Variants in ENPP1 observed in about 807,000 individuals in gnomAD.
ENPP1 encodes ectonucleotide pyrophosphatase/phosphodiesterase family member 1.
A neutral mutation model predicts 122.8 loss-of-function variants in ENPP1; 73 were observed. That is an observed-to-expected ratio of 0.59 (90% CI 0.49 to 0.72). ENPP1 has a LOEUF of 0.72. Among genes scored for constraint, ENPP1 ranks in the 30% least tolerant of loss-of-function variants. The probability of loss-of-function intolerance (pLI) is 0.00; values close to 1 mark genes in which losing one functional copy is unlikely to be tolerated. For missense variants in ENPP1, 978 were observed against 1,128.1 expected (o/e 0.87, Z 1.91); for synonymous variants, 367 against 391.6 (o/e 0.94, Z 0.74).
At chr6:131,821,869 T>C (rs1320288755) in intron 1 of ENPP1, among the ~76,000 whole-genome samples, 2 of 152,230 alleles carry the variant, frequency 1.3e-5, no homozygotes, top group Non-Finnish European at 2.9e-5. Flanking sequence ...CAACGCTTTT[T>C]CAGGTGATGT....
At position 131,808,273 on chromosome 6, in the gene ENPP1, C is replaced by T; in HGVS notation, c.238C>T (p.Leu80=). The stretch of plus-strand genomic sequence containing the variant: ...CCCCAACACCTATAAAGTACTCTCG[C>T]TGGTAGGTCCGCGGCCAGGCCCCGG... ...KDPNTYKVLS[L]VLSVCVLTTI... is the part of the protein sequence containing the mutation. Residue 80 remains leucine, a splice_region_variant and synonymous_variant, in exon 1 of 25, where the codon CTG becomes TTG. Coordinates refer to ENST00000647893, the MANE Select transcript of ENPP1 (RefSeq NM_006208.3). 1 of 1,501,658 alleles carries T rather than the reference C, an allele frequency of 6.7e-7. No individual in the cohort carries two copies. The highest frequency in any genetic ancestry group is 8.9e-7 in the Non-Finnish European group (1 of 1,122,906). 93.0% of individuals were successfully genotyped at this position (1,501,658 alleles called of 1,614,324 possible).
At chr6:131,835,591 G>T (rs1781664115) in intron 1 of ENPP1, among the ~76,000 whole-genome samples, 1 of 151,726 alleles carries the variant, frequency 6.6e-6, no homozygotes, top group South Asian at 2.1e-4. Flanking sequence ...TAAATTCAGT[G>T]GTACATGTGC....
Position 131,864,578 on chromosome 6 carries a change from A to G in ENPP1, c.1091+7A>G. On this transcript the variant is annotated splice_region_variant and intron_variant, in intron 10 of 24. Coordinates refer to ENST00000647893, the MANE Select transcript of ENPP1 (RefSeq NM_006208.3). ...AGCTTCCTAAAGATGAAAGGTCTGT[A>G]GGCAATTAATTTCTATTGTAAATAC... 2 of 1,583,254 alleles carry G rather than the reference A, an allele frequency of 1.3e-6. No homozygotes were observed. The highest frequency in any genetic ancestry group is 1.7e-6 in the Non-Finnish European group (2 of 1,152,642).
At position 131,847,783 on chromosome 6, in the gene ENPP1, C is replaced by T; in HGVS notation, c.248C>T (p.Ser83Leu). 6.2e-7 allele frequency: 1 copy of T among 1,606,268 alleles called. No individual in the cohort carries two copies. Among genetic ancestry groups the T allele is most frequent in the Non-Finnish European group, 8.5e-7 (1 of 1,174,548 alleles). The change falls in exon 2 of 25, where the codon TCA becomes TTA. Residue 83 changes from serine to leucine, a missense_variant. By Grantham distance (145) the Ser-to-Leu change is moderately radical. This residue lies in a region of ENPP1 where 330 missense variants were observed against 328.5 expected (regional missense o/e 1.00). Coordinates refer to ENST00000647893, the MANE Select transcript of ENPP1 (RefSeq NM_006208.3). ...NTYKVLSLVL[S>L]VCVLTTILGC... ...TCTCTTTTCTCCCTACAGGTATTGTCAGTATGTGTGTTAACAACAATACTT... is the reference window on the plus strand; with the variant it reads ...TCTCTTTTCTCCCTACAGGTATTGTTAGTATGTGTGTTAACAACAATACTT...
intron 1 of ENPP1, among the ~76,000 whole-genome samples, chr6:131,837,983 T>C (rs1318643378): frequency 2.6e-5 from 4 of 152,206 alleles, no homozygotes; most frequent in African/African-American, 9.6e-5. Flanking sequence ...CTATTATCTA[T>C]CTTGCCTTAT....
intron 1 of ENPP1, among the ~76,000 whole-genome samples, chr6:131,809,494 A>G (rs760346770): frequency 5.9e-5 from 9 of 152,226 alleles, no homozygotes; most frequent in Non-Finnish European, 1.2e-4. Flanking sequence ...TTGCATCTCA[A>G]GATAAAATTT....
chr6:131,887,618 G>T lies in ENPP1; in HGVS notation c.2607+894G>T, dbSNP rs1345308202. ...TTGGCTTCCAGGCTGGAGTGCAGTG[G>T]CATGATCTCGGCTCACTGCAAGCTC... On this transcript the variant is annotated intron_variant, in intron 24 of 24. Transcript: ENST00000647893. Among the ~76,000 whole-genome samples, 8 of 145,846 alleles carry T rather than the reference G, an allele frequency of 5.5e-5. 1 individual carries two copies. Among genetic ancestry groups the T allele is most frequent in the African/African-American group, 2.1e-4 (8 of 38,224 alleles).
chr6:131,808,298 G>T (rs1445062443), intron 1 of ENPP1, 23 bp downstream of exon 1: 1 of 1,486,012 alleles, frequency 6.7e-7, no homozygotes, highest in Non-Finnish European at 9.0e-7. Flanking sequence ...CCAGGCCCCG[G>T]CGCCCGGGAG....
At chr6:131,879,124 A>G (rs145932158) in intron 19 of ENPP1, among the ~76,000 whole-genome samples, 5 of 152,164 alleles carry the variant, frequency 3.3e-5, no homozygotes, top group Admixed American at 6.5e-5. Flanking sequence ...TTTTTTTTCT[A>G]CTAGAATAAA....
chr6:131,836,117 C>CCT (rs548159233), intron 1 of ENPP1, among the ~76,000 whole-genome samples: 1 of 143,732 alleles, frequency 7.0e-6, no homozygotes, highest in Admixed American at 6.9e-5. Flanking sequence ...GTGTGGTTTT[C>CCT]TTTTTTTTTT....
chr6:131,830,504 C>A (rs71572984), intron 1 of ENPP1, among the ~76,000 whole-genome samples: 1 of 151,972 alleles, frequency 6.6e-6, no homozygotes, highest in Non-Finnish European at 1.5e-5. Flanking sequence ...CCATCACAGG[C>A]AGGGAAAGGA....
At chr6:131,835,395 T>G (rs946804278) in intron 1 of ENPP1, among the ~76,000 whole-genome samples, 2 of 152,228 alleles carry the variant, frequency 1.3e-5, no homozygotes, top group South Asian at 4.1e-4. Flanking sequence ...AGAGGAATGA[T>G]GTAATGATTA....
At chr6:131,870,439 T>C (rs1782146972) in intron 13 of ENPP1, among the ~76,000 whole-genome samples, 2 of 152,238 alleles carry the variant, frequency 1.3e-5, no homozygotes, top group African/African-American at 4.8e-5. Context: ...TACCTCCCTC[T>C]CTTTTTGATT....
intron 1 of ENPP1, among the ~76,000 whole-genome samples, chr6:131,821,925 T>G (rs1323256689): frequency 6.6e-6 from 1 of 152,202 alleles, no homozygotes; most frequent in Non-Finnish European, 1.5e-5. Flanking sequence ...TCCATAATAC[T>G]TCATCATCCA....
chr6:131,864,252 G>T (rs756379254), intron 9 of ENPP1, among the ~76,000 whole-genome samples: 1 of 152,124 alleles, frequency 6.6e-6, no homozygotes, highest in South Asian at 2.1e-4. Flanking sequence ...CTGTTTTCAG[G>T]TCCATGAATA....
chr6:131,872,015 T>C, intron 13 of ENPP1, 55 bp from the exon 14 acceptor site: 2 of 1,248,248 alleles, frequency 1.6e-6, no homozygotes, highest in Non-Finnish European at 2.3e-6. Context: ...TTTTGTATTA[T>C]GTTTTAATTA....
At chr6:131,827,573 A>T (rs559129164) in intron 1 of ENPP1, 1 of 595,976 alleles carries the variant, frequency 1.7e-6, no homozygotes, top group African/African-American at 1.8e-5. Context: ...TTAAAGAGTG[A>T]TGTAGGTTAA....
intron 1 of ENPP1, among the ~76,000 whole-genome samples, chr6:131,810,217 G>A (rs749338722): frequency 1.1e-4 from 16 of 152,134 alleles, no homozygotes; most frequent in Non-Finnish European, 1.6e-4. Context: ...AATTAGCTGG[G>A]TATGGTAGCA....
chr6:131,864,792 T>C (rs1421570989), intron 10 of ENPP1, 74 bp from the exon 11 acceptor site: 3 of 1,005,250 alleles, frequency 3.0e-6, no homozygotes, highest in South Asian at 1.3e-5. Context: ...TCCCTATCAA[T>C]TGATGAATTA....
Sources: allele counts gnomAD v4.1 joint callset (sites outside exome capture counted in the v4.1 genomes callset), GRCh38; gene constraint gnomAD v4.1.1; regional missense constraint gnomAD v4.1.1; transcripts MANE v1.5; gene names NCBI Gene and HGNC (gene_info 2026-07-23, HGNC 2026-07-21).